KIF26B: variants seen among roughly 807,000 people sequenced by gnomAD.
KIF26B encodes kinesin family member 26B, also known as kinesin-like protein KIF26B.
KIF26B carries 63 observed loss-of-function variants against 151.2 expected under a neutral mutation model. The observed-to-expected ratio is 0.42, with a 90% CI of 0.34 to 0.51. The LOEUF is 0.51. Among genes scored for constraint, KIF26B ranks in the 20% least tolerant of loss-of-function variants. KIF26B has a pLI of 0.07. For missense variants in KIF26B, 2,813 were observed against 2,913.6 expected (o/e 0.97, Z 0.79); for synonymous variants, 1,357 against 1,262.1 (o/e 1.08, Z -1.59).
intron 6 of KIF26B, among the ~76,000 whole-genome samples, chr1:245,604,725 C>T (rs2043431786): frequency 1.3e-5 from 2 of 152,234 alleles, no homozygotes; most frequent in Admixed American, 1.3e-4. Flanking sequence ...CACTCGGCTG[C>T]AGAGCTCAGT....
At chr1:245,302,962 C>T (rs1328716470) in intron 2 of KIF26B, among the ~76,000 whole-genome samples, 1 of 110,870 alleles carries the variant, frequency 9.0e-6, no homozygotes, top group Non-Finnish European at 1.7e-5. Flanking sequence ...GTACTCCAGC[C>T]TGGGCAATAG....
intron 4 of KIF26B, among the ~76,000 whole-genome samples, chr1:245,444,423 C>G (rs549680397): frequency 1.3e-5 from 2 of 152,366 alleles, no homozygotes; most frequent in Non-Finnish European, 2.9e-5. Context: ...GCGTGGCGAC[C>G]TACACCCGCC....
At chr1:245,569,847 G>A (rs1201020182) in intron 5 of KIF26B, among the ~76,000 whole-genome samples, 1 of 83,698 alleles carries the variant, frequency 1.2e-5, no homozygotes, top group Non-Finnish European at 2.2e-5. Context: ...TTCTTTTGTT[G>A]TTCTTTGGGC....
At chr1:245,422,551 C>T (rs1172240784) in intron 4 of KIF26B, among the ~76,000 whole-genome samples, 4 of 152,186 alleles carry the variant, frequency 2.6e-5, no homozygotes, top group African/African-American at 4.8e-5. Flanking sequence ...TGCTGTCAGA[C>T]AGTCAACTGA....
At chr1:245,341,081 T>A (rs1261787664) in intron 2 of KIF26B, among the ~76,000 whole-genome samples, 1 of 152,176 alleles carries the variant, frequency 6.6e-6, no homozygotes, top group Non-Finnish European at 1.5e-5. Context: ...GTGCCTCAGA[T>A]GTTCTCGTTT....
Position 245,687,084 on chromosome 1 carries a change from G to A in KIF26B, c.4101G>A (p.Lys1367=), listed in dbSNP as rs769953038. 1.6e-5 allele frequency: 26 copies of A among 1,613,348 alleles called. No individual in the cohort carries two copies. Among genetic ancestry groups the A allele is most frequent in the Non-Finnish European group, 2.0e-5 (24 of 1,179,870 alleles). The part of the protein sequence containing the change: ...IKGCKISTVS[K]AMVTISNTAN... ...GCTGCAAAATATCCACAGTGAGCAA[G>A]GCCATGGTCACCATCTCCAACACGG... Residue 1367 remains lysine (K), a synonymous_variant, in exon 12 of 15, where the codon AAG becomes AAA. Transcript: ENST00000407071. This position sits in a 1 kb window ranked among gnomAD's most constrained non-coding sequence, Gnocchi z 4.9.
chr1:245,492,400 A>T (rs1057042088), intron 4 of KIF26B, among the ~76,000 whole-genome samples: 1 of 152,176 alleles, frequency 6.6e-6, no homozygotes, highest in South Asian at 2.1e-4. Flanking sequence ...GGTTCTCTTA[A>T]ATACAGTGTT....
intron 9 of KIF26B, among the ~76,000 whole-genome samples, chr1:245,629,118 AC>A (rs1182642219): frequency 6.6e-6 from 1 of 152,202 alleles, no homozygotes; most frequent in Non-Finnish European, 1.5e-5. Context: ...AAATGGAAAA[AC>A]ATCTCATCCT....
At chr1:245,584,253 T>C (rs1041481089) in intron 5 of KIF26B, among the ~76,000 whole-genome samples, 5 of 152,198 alleles carry the variant, frequency 3.3e-5, no homozygotes, top group African/African-American at 9.6e-5. Flanking sequence ...CAGAGCTCCC[T>C]GAGGCTTCCC....
At chr1:245,233,898 C>T (rs1391188436) in intron 2 of KIF26B, among the ~76,000 whole-genome samples, 3 of 151,914 alleles carry the variant, frequency 2.0e-5, no homozygotes, top group Non-Finnish European at 2.9e-5. Flanking sequence ...AATAATGTTT[C>T]GGGCTGGGCG....
At chr1:245,529,834 A>G (rs1317782825) in intron 4 of KIF26B, among the ~76,000 whole-genome samples, 1 of 152,220 alleles carries the variant, frequency 6.6e-6, no homozygotes, top group Non-Finnish European at 1.5e-5. Flanking sequence ...GGATCACATC[A>G]GGTTAAAAAG....
intron 9 of KIF26B, among the ~76,000 whole-genome samples, chr1:245,626,169 C>T (rs1433667370): frequency 6.6e-5 from 10 of 152,204 alleles, no homozygotes; most frequent in African/African-American, 1.7e-4. Flanking sequence ...TTGGCTGTTG[C>T]GAATAGAGCT....
chr1:245,467,153 A>G (rs547198813), intron 4 of KIF26B, among the ~76,000 whole-genome samples: 2 of 152,344 alleles, frequency 1.3e-5, no homozygotes, highest in East Asian at 3.9e-4. Context: ...TTTGGAACTG[A>G]GGATTCACCT....
chr1:245,621,458 G>A (rs983477705), intron 9 of KIF26B, among the ~76,000 whole-genome samples: 4 of 152,144 alleles, frequency 2.6e-5, no homozygotes, highest in African/African-American at 9.7e-5. Context: ...CTCAGGCGTA[G>A]GAGACGTTAT....
At chr1:245,632,242 T>C (rs2043788637) in intron 9 of KIF26B, among the ~76,000 whole-genome samples, 1 of 152,222 alleles carries the variant, frequency 6.6e-6, no homozygotes, top group Non-Finnish European at 1.5e-5. Context: ...TCCATTTTCA[T>C]TTGTTTTAAG....
chr1:245,361,780 G>A (rs1558402930), intron 2 of KIF26B, among the ~76,000 whole-genome samples: 5 of 152,172 alleles, frequency 3.3e-5, no homozygotes, highest in Admixed American at 3.3e-4. Context: ...TGTTCTTTCA[G>A]ATATCACTCC....
chr1:245,187,010 C>A (rs1426797070), intron 2 of KIF26B, among the ~76,000 whole-genome samples: 2 of 152,044 alleles, frequency 1.3e-5, no homozygotes, highest in African/African-American at 2.4e-5. Context: ...GCGCGCACCA[C>A]CACGCTCAGC....
At chr1:245,409,198 A>T (rs1333404280) in intron 3 of KIF26B, among the ~76,000 whole-genome samples, 1 of 152,244 alleles carries the variant, frequency 6.6e-6, no homozygotes, top group Non-Finnish European at 1.5e-5. Context: ...GTGGGACCAT[A>T]TCACCTCTTC....
intron 2 of KIF26B, among the ~76,000 whole-genome samples, chr1:245,188,949 G>A (rs1352130313): frequency 6.6e-6 from 1 of 152,208 alleles, no homozygotes; most frequent in Non-Finnish European, 1.5e-5. Context: ...AAATAAGCCA[G>A]TCACAAAGGA....
Sources: allele counts gnomAD v4.1 joint callset (sites outside exome capture counted in the v4.1 genomes callset), GRCh38; gene constraint gnomAD v4.1.1; non-coding constraint Gnocchi (gnomAD v3.1); transcripts MANE v1.5; gene names NCBI Gene and HGNC (gene_info 2026-07-23, HGNC 2026-07-21).